The following TFEB variants were observed in gnomAD, a reference collection of about 807,000 sequenced individuals.
TFEB encodes transcription factor EB.
TFEB carries 12 observed loss-of-function variants against 48.0 expected under a neutral mutation model. That is an observed-to-expected ratio of 0.25 (90% confidence interval 0.16 to 0.40). The LOEUF is 0.40. Ranked by LOEUF, TFEB falls within the 10% of genes least tolerant of loss-of-function variation. TFEB has a pLI of 1.00. For synonymous variants in TFEB, 244 were observed against 261.4 expected (o/e 0.93, Z 0.64); for missense variants, 509 against 640.3 (o/e 0.79, Z 2.21).
chr6:41,688,138 C>T, intron 4 of TFEB, 110 bp from the exon 5 acceptor site: 1 of 1,356,678 alleles, frequency 7.4e-7, no homozygotes, highest in Non-Finnish European at 9.9e-7. Context: ...CCTGGAGTGT[C>T]AAAATTCACC....
intron 1 of TFEB, among the ~76,000 whole-genome samples, chr6:41,703,869 G>A (rs568962643): frequency 3.3e-5 from 5 of 152,140 alleles, no homozygotes; most frequent in Non-Finnish European, 7.3e-5. Context: ...TTACAGAGGG[G>A]GCAACTGAGT....
chr6:41,722,010 C>T (rs1771004659), intron 1 of TFEB, among the ~76,000 whole-genome samples: 1 of 152,158 alleles, frequency 6.6e-6, no homozygotes, highest in African/African-American at 2.4e-5. Flanking sequence ...GCAGAGTCTC[C>T]CTCCGTCGTT....
chr6:41,684,729 T>C lies in TFEB; in HGVS notation c.1301A>G (p.Asp434Gly). The change falls in exon 9 of 9, where the codon GAC becomes GGC. Residue 434 changes from aspartate to glycine, a missense_variant. Transcript: ENST00000373033. ...PFPSLSKKDL[D>G]LMLLDDSLLP... is the part of the protein sequence containing the mutation. The stretch of plus-strand genomic sequence containing the variant: ...CAGTGAGTCGTCCAGGAGCATGAGG[T>C]CCAGATCCTTCTTGGACAGGCTGGG... 4 of 1,613,590 alleles carry C rather than the reference T, an allele frequency of 2.5e-6. No homozygotes were observed. The highest frequency in any genetic ancestry group is 3.4e-6 in the Non-Finnish European group (4 of 1,179,868).
At chr6:41,711,693 C>T (rs1469926628) in intron 1 of TFEB, among the ~76,000 whole-genome samples, 1 of 152,186 alleles carries the variant, frequency 6.6e-6, no homozygotes, top group Non-Finnish European at 1.5e-5. Context: ...CCCTTCAGCT[C>T]CCCCAAGCCC....
Position 41,723,551 on chromosome 6 carries a change from CG to C in TFEB, c.-23+11798del. On this transcript the variant is annotated intron_variant, in intron 1 of 8. Coordinates refer to ENST00000373033, the MANE Select transcript of TFEB (RefSeq NM_001271944.2). This position sits in a 1 kb window ranked among gnomAD's most constrained non-coding sequence, Gnocchi z 6.0. ...CAGGGCCGCACCCCAGCCCCAGGGC[CG>C]GGCTCAGTTTCCTCATTTCCCCGGC... is the stretch of plus-strand genomic sequence containing the variant. 1 of 1,270,676 alleles carries C rather than the reference CG, an allele frequency of 7.9e-7. No homozygotes were observed. Among genetic ancestry groups the C allele is most frequent in the Non-Finnish European group, 1.0e-6 (1 of 980,760 alleles). The allele number at this position is 1,270,676 out of a possible 1,614,324, so 78.7% of individuals were successfully genotyped here. A position where few individuals can be genotyped will look rare whatever the true frequency, so the allele number is the denominator to read the frequency against.
Position 41,734,048 on chromosome 6 carries a change from G to C in TFEB, c.-23+1302C>G, listed in dbSNP as rs1771563460. 4.5e-6 allele frequency: 1 copy of C among 220,636 alleles called. No homozygotes were observed. Among genetic ancestry groups the C allele is most frequent in the Non-Finnish European group, 7.7e-6 (1 of 130,534 alleles). The allele number at this position is 220,636 out of a possible 1,614,324, so 13.7% of individuals were successfully genotyped here. On this transcript the variant is annotated intron_variant, in intron 1 of 8. Coordinates refer to ENST00000373033, the MANE Select transcript of TFEB (RefSeq NM_001271944.2). This position sits in a 1 kb window ranked among gnomAD's most constrained non-coding sequence, Gnocchi z 4.0. ...TGAAGCAGCCCCTCACTCGGGATGG[G>C]GGGAGGGCAGAGGATGGGAGCTGGG...
intron 1 of TFEB, among the ~76,000 whole-genome samples, chr6:41,717,612 C>T (rs963933859): frequency 3.3e-5 from 5 of 152,138 alleles, no homozygotes; most frequent in South Asian, 2.1e-4. Flanking sequence ...CAGCCATAAA[C>T]TAGGCATAGC....
In TFEB at chr6:41,686,109, T is replaced by C; in HGVS notation, c.932A>G (p.Gln311Arg). The change falls in exon 8 of 9, where the codon CAG (glutamine) becomes CGG (arginine). Residue 311 changes from glutamine to arginine, a missense_variant. Coordinates refer to ENST00000373033, the MANE Select transcript of TFEB (RefSeq NM_001271944.2). ...CCAGACCTGGATACGGAGCCAGAGC[T>C]GCTTGTTGGTCATCTCCAGGCGGCG... The part of the protein sequence containing the change: ...HSRRLEMTNK[Q>R]LWLRIQELEM... 6.2e-7 allele frequency: 1 copy of C among 1,614,260 alleles called. No individual in the cohort carries two copies. The highest frequency in any genetic ancestry group is 8.5e-7 in the Non-Finnish European group (1 of 1,180,050).
chr6:41,711,075 T>C (rs1363375335), intron 1 of TFEB, among the ~76,000 whole-genome samples: 2 of 152,386 alleles, frequency 1.3e-5, no homozygotes, highest in Non-Finnish European at 2.9e-5. Flanking sequence ...AAAACTTGTA[T>C]TGAGTTGTAA....
rs113143577 is a variant in TFEB, at chr6:41,694,057, C to A, written c.-22-2822G>T. Among the ~76,000 whole-genome samples the A allele has an allele frequency of 5.7e-3, 870 of 152,160 alleles. 9 individuals are homozygous for A. Among genetic ancestry groups the A allele is most frequent in the African/African-American group, 0.019 (788 of 41,536 alleles). ...GTTGGCCCTGGTGGGGGTGTGGGCA[C>A]CGGGCCTGGCAGTGCCAGCCGGCAC... On this transcript the variant is annotated intron_variant, in intron 1 of 8. Coordinates refer to ENST00000373033, the MANE Select transcript of TFEB (RefSeq NM_001271944.2).
At chr6:41,690,002 G>A (rs746647112) in intron 3 of TFEB, among the ~76,000 whole-genome samples, 191 bp from the exon 4 acceptor site, 2 of 152,140 alleles carry the variant, frequency 1.3e-5, no homozygotes, top group East Asian at 1.9e-4. Flanking sequence ...ATGAAGCTAC[G>A]GTTCTTGCCA....
At chr6:41,698,036 T>C (rs1027687818) in intron 1 of TFEB, among the ~76,000 whole-genome samples, 9 of 149,856 alleles carry the variant, frequency 6.0e-5, no homozygotes, top group South Asian at 4.2e-4. Context: ...ATCTTTCTAA[T>C]TGAAAAAAAA....
chr6:41,686,328 T>C (rs1769000588), intron 7 of TFEB, 91 bp from the exon 8 acceptor site: 1 of 1,531,746 alleles, frequency 6.5e-7, no homozygotes, highest in Non-Finnish European at 8.9e-7. Context: ...TTATGTGGCC[T>C]GTCCCAGTCT....
chr6:41,712,776 C>A (rs888839113), intron 1 of TFEB, among the ~76,000 whole-genome samples: 1 of 152,076 alleles, frequency 6.6e-6, no homozygotes, highest in East Asian at 1.9e-4. Context: ...TGGAGTGGAG[C>A]TGGGCAGGCA....
intron 1 of TFEB, among the ~76,000 whole-genome samples, chr6:41,693,034 T>A (rs1769392715): frequency 6.6e-6 from 1 of 152,176 alleles, no homozygotes; most frequent in African/African-American, 2.4e-5. Context: ...TCTTGCACAG[T>A]ATGTAGCACC....
Position 41,724,365 on chromosome 6 carries a change from C to T in TFEB, c.-23+10985G>A, listed in dbSNP as rs1019436135. Among the ~76,000 whole-genome samples the T allele has an allele frequency of 2.6e-5, 4 of 152,112 alleles. No homozygotes were observed. The highest frequency in any genetic ancestry group is 4.4e-5 in the Non-Finnish European group (3 of 68,018). Reference sequence around the variant, plus strand: ...GGTGGATGAGTTTACTGGGCCCTTTCGTGAGTGCAGGTTTCAGGAAGGAAG... The same window carrying T: ...GGTGGATGAGTTTACTGGGCCCTTTTGTGAGTGCAGGTTTCAGGAAGGAAG... On this transcript the variant is annotated intron_variant, in intron 1 of 8. Coordinates refer to ENST00000373033, the MANE Select transcript of TFEB (RefSeq NM_001271944.2). The surrounding 1 kb of genome is among the most constrained non-coding windows in gnomAD (Gnocchi z 4.4).
In TFEB at chr6:41,723,907, G is replaced by GCCTAAC; in HGVS notation, c.-23+11437_-23+11442dup. The GCCTAAC allele has an allele frequency of 2.0e-6, 1 of 512,038 alleles. No individual in the cohort carries two copies. The highest frequency in any genetic ancestry group is 3.9e-6 in the Non-Finnish European group (1 of 257,018). The allele number at this position is 512,038 out of a possible 1,614,324, so 31.7% of individuals were successfully genotyped here. A position where few individuals can be genotyped will look rare whatever the true frequency, so the allele number is the denominator to read the frequency against. On this transcript the variant is annotated intron_variant, in intron 1 of 8. Transcript: ENST00000373033. This position sits in a 1 kb window ranked among gnomAD's most constrained non-coding sequence, Gnocchi z 6.0. ...CCCAATCCCACCAGGTCCAGGGTGGGCCTAACCCTAACCCCAGCCCCGCTT... is the reference window on the plus strand; with the variant it reads ...CCCAATCCCACCAGGTCCAGGGTGGGCCTAACCCTAACCCTAACCCCAGCCCCGCTT...
chr6:41,722,353 A>T lies in TFEB; in HGVS notation c.-23+12997T>A, dbSNP rs149855935. Among the ~76,000 whole-genome samples the T allele has an allele frequency of 8.5e-5, 13 of 152,336 alleles. No homozygotes were observed. In the East Asian group the frequency reaches 2.5e-3, roughly 29 times the overall value. ...TACTTAATTGGGGATGGCACAGAGA[A>T]AAGAAAGGGCTCCCTGGCCAGAGCC... On this transcript the variant is annotated intron_variant, in intron 1 of 8. Coordinates refer to ENST00000373033, the MANE Select transcript of TFEB (RefSeq NM_001271944.2).
At chr6:41,703,945 T>G (rs1770069913) in intron 1 of TFEB, among the ~76,000 whole-genome samples, 1 of 152,104 alleles carries the variant, frequency 6.6e-6, no homozygotes, top group African/African-American at 2.4e-5. Flanking sequence ...GGGCACCTGG[T>G]CTCCCCACAG....
Sources: allele counts gnomAD v4.1 joint callset (sites outside exome capture counted in the v4.1 genomes callset), GRCh38; gene constraint gnomAD v4.1.1; non-coding constraint Gnocchi (gnomAD v3.1); transcripts MANE v1.5; gene names NCBI Gene and HGNC (gene_info 2026-07-23, HGNC 2026-07-21).